The following ADAMTSL1 variants were observed in gnomAD, a reference collection of about 807,000 sequenced individuals.
The protein encoded by ADAMTSL1 is ADAMTS-like protein 1.
Under a neutral mutation model 201.8 loss-of-function variants are expected in ADAMTSL1, and 126 were observed. The ratio of observed to expected loss-of-function variants is 0.62; its 90% confidence interval spans 0.54 to 0.72. ADAMTSL1 has a LOEUF of 0.72. Ranked by LOEUF, ADAMTSL1 falls within the 30% of genes least tolerant of loss-of-function variation. ADAMTSL1 has a pLI of 0.00. For synonymous variants in ADAMTSL1, 1,121 were observed against 903.4 expected (o/e 1.24, Z -4.32); for missense variants, 2,679 against 2,277.8 (o/e 1.18, Z -3.59).
intron 1 of ADAMTSL1, among the ~76,000 whole-genome samples, chr9:18,102,482 G>C (rs1824572564): frequency 6.6e-6 from 1 of 152,156 alleles, no homozygotes; most frequent in Admixed American, 6.5e-5. Context: ...ATGAGAAGAG[G>C]GTCTTGGTTC....
intron 2 of ADAMTSL1, among the ~76,000 whole-genome samples, chr9:18,450,637 C>G (rs940140135): frequency 2.0e-5 from 3 of 151,756 alleles, no homozygotes; most frequent in African/African-American, 7.3e-5. Context: ...TGTATACACA[C>G]ACACCACATA....
rs201320866 is a variant in ADAMTSL1, at chr9:18,120,029, C to T, written c.88-43833C>T. On this transcript the variant is annotated intron_variant, in intron 1 of 29. Transcript: ENST00000680146. ...CCCCAAATTTGCCAGCTTAAAACAA[C>T]GAATTTTTGTGAATTCATGATTTGT... is the stretch of plus-strand genomic sequence containing the variant. 5.3e-5 allele frequency among the ~76,000 whole-genome samples: 8 copies of T among 152,234 alleles called. No homozygotes were observed. The South Asian group carries it at 8.3e-4, about 16-fold the overall frequency.
intron 1 of ADAMTSL1, among the ~76,000 whole-genome samples, chr9:18,031,484 A>G (rs1434671368): frequency 6.6e-6 from 1 of 151,892 alleles, no homozygotes; most frequent in Admixed American, 6.6e-5. Context: ...GTGCTGAAGG[A>G]ATTTTTGTTT....
intron 1 of ADAMTSL1, among the ~76,000 whole-genome samples, chr9:18,056,770 G>C (rs542578245): frequency 6.6e-6 from 1 of 152,088 alleles, no homozygotes; most frequent in Non-Finnish European, 1.5e-5. Context: ...TTTCCCCAGC[G>C]CATTCTCTAG....
At chr9:18,247,816 G>T (rs1831321105) in intron 2 of ADAMTSL1, among the ~76,000 whole-genome samples, 1 of 152,110 alleles carries the variant, frequency 6.6e-6, no homozygotes, top group South Asian at 2.1e-4. Flanking sequence ...GTAGACAAAA[G>T]ATTAAACAAG....
chr9:18,626,870 TCTTTCTTC>T (rs201564071), intron 5 of ADAMTSL1, among the ~76,000 whole-genome samples: 21,487 of 141,598 alleles, frequency 0.15, 1,969 homozygotes, highest in African/African-American at 0.27. Context: ...TTTCTTTCTG[TCTTTCTTC>T]CTTCCTTCCT....
intron 2 of ADAMTSL1, among the ~76,000 whole-genome samples, chr9:18,433,079 C>T (rs568196462): frequency 5.3e-4 from 80 of 151,986 alleles, no homozygotes; most frequent in South Asian, 4.1e-3. Flanking sequence ...CCAACAAAAC[C>T]TCCTGTTTGT....
intron 23 of ADAMTSL1, among the ~76,000 whole-genome samples, chr9:18,886,229 CATACATACAAGTAT>C (rs1198303582): frequency 1.8e-5 from 2 of 109,038 alleles, no homozygotes; most frequent in African/African-American, 6.5e-5. Flanking sequence ...CATACATATA[CATACATACAAGTAT>C]ATACATACAT....
intron 2 of ADAMTSL1, among the ~76,000 whole-genome samples, chr9:18,242,931 T>C (rs1375548491): frequency 3.9e-5 from 6 of 152,164 alleles, no homozygotes; most frequent in East Asian, 3.8e-4. Flanking sequence ...CAAATCAATA[T>C]ACAGATTCAA....
At chr9:18,066,063 T>C (rs914149325) in intron 1 of ADAMTSL1, among the ~76,000 whole-genome samples, 1 of 150,214 alleles carries the variant, frequency 6.7e-6, no homozygotes, top group African/African-American at 2.5e-5. Context: ...ATCAGAATGA[T>C]TGAAAGAAAT....
chr9:18,225,418 T>A (rs2132381007), intron 2 of ADAMTSL1, among the ~76,000 whole-genome samples: 1 of 152,316 alleles, frequency 6.6e-6, no homozygotes, highest in East Asian at 1.9e-4. Context: ...CCTAACAAAT[T>A]TCTCCATAGT....
At chr9:18,697,440 A>G (rs1275494980) in intron 13 of ADAMTSL1, among the ~76,000 whole-genome samples, 1 of 152,216 alleles carries the variant, frequency 6.6e-6, no homozygotes, top group Non-Finnish European at 1.5e-5. Context: ...ATTCCATAGA[A>G]CAAGACCACC....
At chr9:18,631,957 C>T (rs1015927627) in intron 5 of ADAMTSL1, among the ~76,000 whole-genome samples, 1 of 152,114 alleles carries the variant, frequency 6.6e-6, no homozygotes, top group Non-Finnish European at 1.5e-5. Context: ...AGACTGGCAT[C>T]ATGGTTCAGT....
rs528657190 is a variant in ADAMTSL1 at position 18,228,258 on chromosome 9, T to C, written c.207+64277T>C. Among the ~76,000 whole-genome samples, 6 of 152,256 alleles carry C rather than the reference T, an allele frequency of 3.9e-5. No homozygotes were observed. In the South Asian group the frequency reaches 1.2e-3, roughly 32 times the overall value. ...GATGATAGTTCCTGCGTGGTTTGGA[T>C]AACAAGCTAGAAAAGTCAGTTATGG... On this transcript the variant is annotated intron_variant, in intron 2 of 29. Transcript: ENST00000680146.
At position 18,497,426 on chromosome 9, in the gene ADAMTSL1, T is replaced by C. The variant is rs544652444; in HGVS notation, c.64-7403T>C. ...AGAAGCTCAGCTATTATAGTTATTT[T>C]AAAGAAGATTATTATCACAGAAAAA... On this transcript the variant is annotated intron_variant, in intron 1 of 28. Transcript: ENST00000380548. Among the ~76,000 whole-genome samples, 3 of 152,318 alleles carry C rather than the reference T, an allele frequency of 2.0e-5. No homozygotes were observed. In the South Asian group the frequency reaches 6.2e-4, roughly 32 times the overall value.
At chr9:18,680,813 A>G (rs1189729826) in intron 11 of ADAMTSL1, 2 of 390,280 alleles carry the variant, frequency 5.1e-6, no homozygotes, top group Non-Finnish European at 9.5e-6. Flanking sequence ...AGGCTGAATG[A>G]ATGATCCCGA....
rs895716439 is a variant in ADAMTSL1, at chr9:18,905,806, C to T, written c.4876C>T (p.His1626Tyr). 3.7e-6 allele frequency: 6 copies of T among 1,613,370 alleles called. No homozygotes were observed. Among genetic ancestry groups the T allele is most frequent in the South Asian group, 1.1e-5 (1 of 90,846 alleles). ...GQCNGPCIGP[H>Y]LAVQHRQVFC... ...GTGCAATGGGCCTTGCATCGGGCCT[C>T]ACCTAGCTGTGCAACACAGACAAGT... The change falls in exon 27 of 29, where the codon CAC (histidine) becomes TAC (tyrosine). Residue 1626 changes from histidine (H) to tyrosine (Y), a missense_variant. His to Tyr is a moderately conservative substitution (Grantham distance 83). Transcript: ENST00000380548.
At chr9:17,926,912 C>T (rs1395727187) in intron 1 of ADAMTSL1, among the ~76,000 whole-genome samples, 1 of 152,134 alleles carries the variant, frequency 6.6e-6, no homozygotes, top group African/African-American at 2.4e-5. Flanking sequence ...ATATATATAA[C>T]ACAATTGACC....
At chr9:18,003,437 G>A (rs920234057) in intron 1 of ADAMTSL1, among the ~76,000 whole-genome samples, 9 of 152,162 alleles carry the variant, frequency 5.9e-5, no homozygotes, top group East Asian at 1.9e-4. Flanking sequence ...AATCTCTCCC[G>A]GCCAGTTCCA....
Sources: gnomAD v4.1 joint callset for allele counts (sites outside exome capture counted in the v4.1 genomes callset) on GRCh38, gnomAD v4.1.1 for gene constraint, MANE v1.5 for transcripts, NCBI Gene and HGNC (gene_info 2026-07-23, HGNC 2026-07-21) for gene names.